Variants in HELZ observed in about 807,000 individuals in gnomAD.
HELZ encodes ATP-dependent RNA helicase with zinc finger domain.
Under a neutral mutation model 218.2 loss-of-function variants are expected in HELZ, and 23 were observed. That is an observed-to-expected ratio of 0.11 (90% CI 0.08 to 0.15). The LOEUF (loss-of-function observed/expected upper bound fraction) is 0.15. Ranked by LOEUF, HELZ falls within the 10% of genes least tolerant of loss-of-function variation. The probability of loss-of-function intolerance (pLI) is 1.00; values close to 1 mark genes in which losing one functional copy is unlikely to be tolerated. For missense variants in HELZ, 1,813 were observed against 2,353.7 expected, an observed-to-expected ratio of 0.77 and a Z score of 4.75; for synonymous variants, 814 against 829.4, an observed-to-expected ratio of 0.98 and a Z score of 0.32.
intron 23 of HELZ, among the ~76,000 whole-genome samples, chr17:67,133,091 T>A (rs564709714): frequency 2.6e-5 from 4 of 152,216 alleles, no homozygotes; most frequent in Admixed American, 6.5e-5. Flanking sequence ...ACAGCCATGA[T>A]TAAACTGTAC....
At chr17:67,084,525 T>G (rs1341759020) in intron 32 of HELZ, among the ~76,000 whole-genome samples, 1 of 151,180 alleles carries the variant, frequency 6.6e-6, no homozygotes, top group African/African-American at 2.4e-5. Flanking sequence ...TAGCCGGGCG[T>G]GGTGGCGGGC....
rs1389534993 is a variant in HELZ at position 67,073,967 on chromosome 17, T to C, written c.*4285A>G. The C allele has an allele frequency of 6.6e-6, 1 of 152,114 alleles. No homozygotes were observed. Among genetic ancestry groups the C allele is most frequent in the African/African-American group, 2.4e-5 (1 of 41,412 alleles). 9.4% of individuals were successfully genotyped at this position (152,114 alleles called of 1,614,324 possible). A position where few individuals can be genotyped will look rare whatever the true frequency, so the allele number is the denominator to read the frequency against. On this transcript the variant is annotated 3_prime_UTR_variant, in exon 33 of 33. Coordinates refer to ENST00000358691, the MANE Select transcript of HELZ (RefSeq NM_014877.4). ...GCCAGTTACTCTTTCAAGATGGAGA[T>C]GGTGTCTTTGTAAGTGATTGGCACC...
intron 3 of HELZ, among the ~76,000 whole-genome samples, chr17:67,228,167 C>T (rs1486295524): frequency 1.3e-5 from 2 of 152,178 alleles, no homozygotes; most frequent in East Asian, 3.8e-4. Context: ...AAATTACTAA[C>T]ATCCGTAATT....
At chr17:67,114,557 CAG>C (rs2143787653) in intron 27 of HELZ, among the ~76,000 whole-genome samples, 154 bp from the exon 28 acceptor site, 1 of 152,280 alleles carries the variant, frequency 6.6e-6, no homozygotes, top group South Asian at 2.1e-4. Context: ...CTTAAATTTT[CAG>C]AGTTACAGTT....
At chr17:67,080,189 TTGAA>T (rs984641848) in intron 32 of HELZ, among the ~76,000 whole-genome samples, 101 of 152,248 alleles carry the variant, frequency 6.6e-4, no homozygotes, top group African/African-American at 2.3e-3. Flanking sequence ...TATTTTTCCC[TTGAA>T]TGGTTAATTA....
intron 3 of HELZ, among the ~76,000 whole-genome samples, chr17:67,231,546 T>C (rs987104048): frequency 4.2e-5 from 6 of 142,284 alleles, no homozygotes; most frequent in Non-Finnish European, 7.5e-5. Context: ...TGAGCCGAGA[T>C]CATGCCACTG....
chr17:67,078,308 C>T lies in HELZ; in HGVS notation c.5773G>A (p.Glu1925Lys), dbSNP rs1287832404. Reference sequence around the variant, plus strand: ...CCAGATGAGCTCCCTAGGCTCAGTTCCTGGAAGAGAGACAGAGGGTCGCTA... The same window carrying T: ...CCAGATGAGCTCCCTAGGCTCAGTTTCTGGAAGAGAGACAGAGGGTCGCTA... ...KSSDPLSLFQ[E>K]LSLGSSSGSN... The change falls in exon 33 of 33, where the codon GAA (glutamate) becomes AAA (lysine). Residue 1925 changes from glutamate to lysine, a missense_variant. Physicochemically the swap from Glu to Lys is moderately conservative, Grantham distance 56. Transcript: ENST00000358691. The T allele has an allele frequency of 6.2e-7, 1 of 1,613,934 alleles. No individual in the cohort carries two copies. The highest frequency in any genetic ancestry group is 8.5e-7 in the Non-Finnish European group (1 of 1,180,024).
At chr17:67,094,604 T>C (rs1204429877) in intron 31 of HELZ, among the ~76,000 whole-genome samples, 1 of 152,122 alleles carries the variant, frequency 6.6e-6, no homozygotes, top group Non-Finnish European at 1.5e-5. Context: ...CTATTAAGTG[T>C]GCAATAGCAT....
At chr17:67,085,073 C>CTCT (rs1394776139) in intron 32 of HELZ, among the ~76,000 whole-genome samples, 1 of 152,074 alleles carries the variant, frequency 6.6e-6, no homozygotes, top group East Asian at 1.9e-4. Context: ...CACCACTACA[C>CTCT]TCTAGCCACG....
At position 67,109,601 on chromosome 17, in the gene HELZ, T is replaced by C. The variant is rs1241332426; in HGVS notation, c.4004A>G (p.Asp1335Gly). Residue 1335 changes from aspartate to glycine, a missense_variant, in exon 29 of 33, where the codon GAT (aspartate) becomes GGT (glycine). By Grantham distance (94) the Asp-to-Gly change is moderately conservative. Around this residue, in one of 4 missense-constraint regions of HELZ, gnomAD observed 938 missense variants for 1,027.5 expected, o/e 0.91. Coordinates refer to ENST00000358691, the MANE Select transcript of HELZ (RefSeq NM_014877.4). ...VYPSTKFPRK[D>G]NLNPRHINLP... ...ATTTATGTGTCTTGGGTTGAGATTA[T>C]CTTTGCGAGGAAATTTGGTACTGGG... 1.9e-6 allele frequency: 3 copies of C among 1,614,084 alleles called. No individual in the cohort carries two copies. Among genetic ancestry groups the C allele is most frequent in the African/African-American group, 1.3e-5 (1 of 74,932 alleles).
At chr17:67,212,178 G>A (rs2040469342) in intron 5 of HELZ, among the ~76,000 whole-genome samples, 1 of 151,738 alleles carries the variant, frequency 6.6e-6, no homozygotes, top group Admixed American at 6.6e-5. Context: ...AAAATTAGCT[G>A]GGCATGATGG....
intron 25 of HELZ, among the ~76,000 whole-genome samples, chr17:67,123,744 C>T (rs984351426): frequency 1.3e-5 from 2 of 151,652 alleles, no homozygotes; most frequent in African/African-American, 4.8e-5. Flanking sequence ...TGCCCCTTTT[C>T]AGAAATAACA....
chr17:67,078,937 TTAAA>T lies in HELZ; in HGVS notation c.5495-355_5495-352del, dbSNP rs1300988142. 6.6e-5 allele frequency among the ~76,000 whole-genome samples: 10 copies of T among 152,244 alleles called. No homozygotes were observed. In the East Asian group the frequency reaches 1.7e-3, roughly 26 times the overall value. ...TTTGTAAACAGGCACATGCTCTCTC[TTAAA>T]TAAAAAGGAGCTGCATATCCAGACT... On this transcript the variant is annotated intron_variant, in intron 32 of 32. Coordinates refer to ENST00000358691, the MANE Select transcript of HELZ (RefSeq NM_014877.4).
intron 27 of HELZ, among the ~76,000 whole-genome samples, chr17:67,116,379 A>G (rs1031526382): frequency 6.6e-6 from 1 of 152,142 alleles, no homozygotes. Flanking sequence ...AAAGGCAGAG[A>G]CTGTCACATT....
At chr17:67,079,963 T>C (rs570859355) in intron 32 of HELZ, among the ~76,000 whole-genome samples, 1 of 152,366 alleles carries the variant, frequency 6.6e-6, no homozygotes, top group South Asian at 2.1e-4. Context: ...TTACCTGTTT[T>C]GTGATTTCCC....
At chr17:67,210,897 A>C (rs2040432714) in intron 5 of HELZ, among the ~76,000 whole-genome samples, 1 of 152,218 alleles carries the variant, frequency 6.6e-6, no homozygotes, top group Non-Finnish European at 1.5e-5. Flanking sequence ...ATTCTAGCCC[A>C]GCAACAGAAC....
chr17:67,101,335 C>T (rs2036923672), intron 31 of HELZ, among the ~76,000 whole-genome samples: 2 of 151,534 alleles, frequency 1.3e-5, no homozygotes, highest in South Asian at 2.1e-4. Context: ...GTAGTAAAAC[C>T]ACAGAATGAC....
At chr17:67,092,555 T>C (rs1294604255) in intron 31 of HELZ, among the ~76,000 whole-genome samples, 2 of 151,676 alleles carry the variant, frequency 1.3e-5, no homozygotes, top group Non-Finnish European at 2.9e-5. Flanking sequence ...CAAGCAAAAA[T>C]CCGGGAAAAA....
At chr17:67,223,423 C>A (rs778407746) in intron 3 of HELZ, among the ~76,000 whole-genome samples, 15 of 151,992 alleles carry the variant, frequency 9.9e-5, no homozygotes, top group Non-Finnish European at 1.6e-4. Flanking sequence ...AGGTCCGCCC[C>A]ATCTGTCTTG....
Sources: allele counts gnomAD v4.1 joint callset (sites outside exome capture counted in the v4.1 genomes callset), GRCh38; gene constraint gnomAD v4.1.1; regional missense constraint gnomAD v4.1.1; transcripts MANE v1.5; gene names NCBI Gene and HGNC (gene_info 2026-07-23, HGNC 2026-07-21).